The following WDR70 variants were observed in gnomAD, a reference collection of about 807,000 sequenced individuals.
WDR70 encodes the protein WD repeat-containing protein 70.
Under a neutral mutation model 88.6 loss-of-function variants are expected in WDR70, and 53 were observed. The observed-to-expected ratio is 0.60, with a 90% CI of 0.48 to 0.75. The LOEUF is 0.75. Ranked by LOEUF, WDR70 falls within the 30% of genes least tolerant of loss-of-function variation. The pLI is 0.00. For missense variants in WDR70, 610 were observed against 823.2 expected (o/e 0.74, Z 3.17); for synonymous variants, 280 against 270.0 (o/e 1.04, Z -0.36).
intron 7 of WDR70, among the ~76,000 whole-genome samples, chr5:37,463,763 A>G (rs963807904): frequency 5.9e-5 from 9 of 152,198 alleles, no homozygotes; most frequent in African/African-American, 2.2e-4. Context: ...CCCCTTGAAC[A>G]GCCCCTTTAA....
intron 10 of WDR70, among the ~76,000 whole-genome samples, chr5:37,651,747 G>A (rs1745415221): frequency 6.6e-6 from 1 of 152,126 alleles, no homozygotes; most frequent in African/African-American, 2.4e-5. Flanking sequence ...TTGGCCACAT[G>A]AATGTCTTCT....
At chr5:37,678,416 G>A (rs1291699670) in intron 10 of WDR70, among the ~76,000 whole-genome samples, 2 of 152,218 alleles carry the variant, frequency 1.3e-5, no homozygotes, top group South Asian at 2.1e-4. Context: ...AGCTCTTTTA[G>A]GGCAGGCCTG....
chr5:37,509,254 C>G (rs1454476624), intron 8 of WDR70, among the ~76,000 whole-genome samples: 2 of 152,040 alleles, frequency 1.3e-5, no homozygotes, highest in African/African-American at 2.4e-5. Context: ...TAGAAATGCT[C>G]TAAGCATTTC....
chr5:37,712,510 G>A (rs1449849439), intron 13 of WDR70, among the ~76,000 whole-genome samples: 1 of 152,050 alleles, frequency 6.6e-6, no homozygotes, highest in African/African-American at 2.4e-5. Flanking sequence ...AATATGATAT[G>A]TTTCCTGGAT....
intron 10 of WDR70, among the ~76,000 whole-genome samples, chr5:37,662,365 G>GT (rs139057720): frequency 4.3e-4 from 64 of 148,148 alleles, no homozygotes; most frequent in African/African-American, 1.1e-3. Context: ...ACTTCAAGGA[G>GT]TTTTTTTTTT....
chr5:37,669,504 C>T (rs1002743081), intron 10 of WDR70, among the ~76,000 whole-genome samples: 1 of 152,070 alleles, frequency 6.6e-6, no homozygotes, highest in African/African-American at 2.4e-5. Context: ...CCTCAAACTC[C>T]TGGACTGAAG....
At chr5:37,744,507 C>A (rs1465640842) in intron 17 of WDR70, among the ~76,000 whole-genome samples, 1 of 151,858 alleles carries the variant, frequency 6.6e-6, no homozygotes, top group Non-Finnish European at 1.5e-5. Flanking sequence ...TGTCCTTACC[C>A]AATGCAAAGA....
intron 9 of WDR70, among the ~76,000 whole-genome samples, chr5:37,558,887 C>A (rs1742397630): frequency 6.6e-6 from 1 of 151,810 alleles, no homozygotes; most frequent in South Asian, 2.1e-4. Flanking sequence ...ATTTTTCTTA[C>A]CCTGATACTT....
intron 10 of WDR70, among the ~76,000 whole-genome samples, chr5:37,652,903 C>A (rs1281985238): frequency 6.6e-6 from 1 of 152,112 alleles, no homozygotes; most frequent in Non-Finnish European, 1.5e-5. Flanking sequence ...AATTTGATTT[C>A]CTCTCTTCCT....
At chr5:37,519,532 G>T (rs878859669) in intron 9 of WDR70, among the ~76,000 whole-genome samples, 2 of 146,360 alleles carry the variant, frequency 1.4e-5, no homozygotes, top group African/African-American at 2.5e-5. Flanking sequence ...CCTCCCAGAC[G>T]GGGCGGCGGG....
chr5:37,564,598 A>AGAGGGAGAG (rs1208488760), intron 9 of WDR70, among the ~76,000 whole-genome samples: 2 of 150,060 alleles, frequency 1.3e-5, no homozygotes, highest in African/African-American at 5.0e-5. Context: ...GAGAGGAGGG[A>AGAGGGAGAG]GAGGGAGAGC....
intron 5 of WDR70, among the ~76,000 whole-genome samples, chr5:37,425,232 C>CA (rs2112005508): frequency 6.6e-6 from 1 of 152,258 alleles, no homozygotes; most frequent in South Asian, 2.1e-4. Context: ...GCTTGGGTGA[C>CA]AGAGTGAGAC....
At chr5:37,568,421 T>C (rs1742808505) in intron 9 of WDR70, among the ~76,000 whole-genome samples, 1 of 152,216 alleles carries the variant, frequency 6.6e-6, no homozygotes, top group Non-Finnish European at 1.5e-5. Context: ...TTCAATGGAT[T>C]GTCTTATTAA....
At chr5:37,568,056 T>G (rs1742793405) in intron 9 of WDR70, among the ~76,000 whole-genome samples, 1 of 152,180 alleles carries the variant, frequency 6.6e-6, no homozygotes, top group African/African-American at 2.4e-5. Context: ...TGATATCAGT[T>G]TGCATAAATA....
chr5:37,488,800 C>T (rs946699386), intron 8 of WDR70, among the ~76,000 whole-genome samples: 15 of 152,130 alleles, frequency 9.9e-5, no homozygotes, highest in African/African-American at 3.1e-4. Context: ...ATTTTCTTTT[C>T]GCTGGAATCT....
intron 10 of WDR70, chr5:37,687,891 C>A: frequency 1.5e-6 from 1 of 661,548 alleles, no homozygotes. Context: ...TTCACAATAC[C>A]ATCTCTTTTC....
In WDR70 at chr5:37,415,840, G is replaced by A. The variant is rs1241456367; in HGVS notation, c.492+19270G>A. On this transcript the variant is annotated intron_variant, in intron 5 of 17. Coordinates refer to ENST00000265107, the MANE Select transcript of WDR70 (RefSeq NM_018034.4). ...CTCCTCACCTCCCAGACGGGGTCGC[G>A]GCCGGGCAGAGGCGCTCCTCACATC... Among the ~76,000 whole-genome samples the A allele has an allele frequency of 2.7e-5, 4 of 150,004 alleles. No homozygotes were observed. The East Asian group carries it at 6.0e-4, about 22-fold the overall frequency.
rs1750525519 is a variant in WDR70 at position 37,437,949 on chromosome 5, C to T, written c.520C>T (p.His174Tyr). 1.2e-6 allele frequency: 2 copies of T among 1,609,850 alleles called. No individual in the cohort carries two copies. Among genetic ancestry groups the T allele is most frequent in the African/African-American group, 2.7e-5 (2 of 74,752 alleles). ...ENPVHKIPDS[H>Y]EITLKHGTKT... The stretch of plus-strand genomic sequence containing the variant: ...TCCTGTTCACAAGATTCCTGACTCG[C>T]ATGAGATAACGCTGAAGCATGGCAC... The change falls in exon 6 of 18, where the codon CAT becomes TAT. Residue 174 changes from histidine to tyrosine, a missense_variant. Physicochemically the swap from His to Tyr is moderately conservative, Grantham distance 83. This residue lies in a region of WDR70 where 203 missense variants were observed against 228.1 expected (regional missense o/e 0.89). Coordinates refer to ENST00000265107, the MANE Select transcript of WDR70 (RefSeq NM_018034.4).
At chr5:37,591,893 T>C (rs1743540531) in intron 9 of WDR70, among the ~76,000 whole-genome samples, 2 of 152,300 alleles carry the variant, frequency 1.3e-5, no homozygotes, top group South Asian at 2.1e-4. Context: ...AATCAGACAA[T>C]ATAATGCACA....
Sources: allele counts gnomAD v4.1 joint callset (sites outside exome capture counted in the v4.1 genomes callset), GRCh38; gene constraint gnomAD v4.1.1; regional missense constraint gnomAD v4.1.1; transcripts MANE v1.5; gene names NCBI Gene and HGNC (gene_info 2026-07-23, HGNC 2026-07-21).